Variants in KIRREL3 observed in about 807,000 individuals in gnomAD.
KIRREL3 encodes the protein kin of IRRE-like protein 3.
Under a neutral mutation model 89.7 loss-of-function variants are expected in KIRREL3, and 36 were observed. The observed-to-expected ratio is 0.40, with a 90% confidence interval of 0.31 to 0.53. The LOEUF is 0.53. Among genes scored for constraint, KIRREL3 ranks in the 20% least tolerant of loss-of-function variants. The pLI is 0.49. For synonymous variants in KIRREL3, 445 were observed against 441.4 expected (o/e 1.01, Z -0.10); for missense variants, 864 against 1,056.6 (o/e 0.82, Z 2.53).
At position 126,477,019 on chromosome 11, in the gene KIRREL3, C is replaced by T. The variant is rs1399008635; in HGVS notation, c.434-3553G>A. 2.0e-5 allele frequency among the ~76,000 whole-genome samples: 3 copies of T among 152,168 alleles called. No homozygotes were observed. The highest frequency in any genetic ancestry group is 7.2e-5 in the African/African-American group (3 of 41,442). On this transcript the variant is annotated intron_variant, in intron 4 of 16. Transcript: ENST00000525144. This position sits in a 1 kb window ranked among gnomAD's most constrained non-coding sequence, Gnocchi z 4.8. ...TTTTGGTGTTGTGCTTGTTGTCAGT[C>T]AGGAAAAAAATGGCATTAACTGTTG...
chr11:126,619,110 T>C (rs923382725), intron 1 of KIRREL3, among the ~76,000 whole-genome samples: 1 of 152,196 alleles, frequency 6.6e-6, no homozygotes, highest in African/African-American at 2.4e-5. Flanking sequence ...CTAGAGGGTG[T>C]CTGGCCATAG....
rs551324928 is a variant in KIRREL3, at chr11:126,954,507, C to T, written c.55+45948G>A. 3.7e-4 allele frequency among the ~76,000 whole-genome samples: 56 copies of T among 152,188 alleles called. No individual in the cohort carries two copies. Among genetic ancestry groups the T allele is most frequent in the Non-Finnish European group, 2.5e-4 (17 of 68,020 alleles). ...CTTGTTCCTCCTGTCTATCTCCCTC[C>T]TCCCCATCCCCTCGTCCTCCTCTAG... is the stretch of plus-strand genomic sequence containing the variant. On this transcript the variant is annotated intron_variant, in intron 1 of 16. Coordinates refer to ENST00000525144, the MANE Select transcript of KIRREL3 (RefSeq NM_032531.4). The surrounding 1 kb of genome is among the most constrained non-coding windows in gnomAD (Gnocchi z 4.1).
chr11:126,648,466 C>G (rs1458457443), intron 1 of KIRREL3, among the ~76,000 whole-genome samples: 1 of 152,170 alleles, frequency 6.6e-6, no homozygotes, highest in African/African-American at 2.4e-5. Context: ...GACTGACCAT[C>G]TTATTTAAAA....
intron 1 of KIRREL3, among the ~76,000 whole-genome samples, chr11:126,698,897 TACAG>T (rs1335675260): frequency 2.0e-5 from 3 of 152,126 alleles, no homozygotes; most frequent in African/African-American, 4.8e-5. Flanking sequence ...GTGCAGGAGG[TACAG>T]AGCTTCCCAT....
rs1202970790 is a variant in KIRREL3, at chr11:126,653,735, C to T, written c.56-90823G>A. On this transcript the variant is annotated intron_variant, in intron 1 of 16. Coordinates refer to ENST00000525144, the MANE Select transcript of KIRREL3 (RefSeq NM_032531.4). The surrounding 1 kb of genome is among the most constrained non-coding windows in gnomAD (Gnocchi z 5.4). ...AGACATGGCAAGGCTGAGGCCAAGCCCCAAAGTTCACGGACATTCCATAAA... is the reference window on the plus strand; with the variant it reads ...AGACATGGCAAGGCTGAGGCCAAGCTCCAAAGTTCACGGACATTCCATAAA... 6.6e-6 allele frequency among the ~76,000 whole-genome samples: 1 copy of T among 152,160 alleles called. No homozygotes were observed. Among genetic ancestry groups the T allele is most frequent in the East Asian group, 1.9e-4 (1 of 5,182 alleles).
rs559106814 is a variant in KIRREL3, at chr11:126,862,849, C to T, written c.55+137606G>A. ...TTTGACAGTGTAGACACTCGAGGCC[C>T]GGTCTACATTGCCAGGCATTTGAGA... On this transcript the variant is annotated intron_variant, in intron 1 of 16. Transcript: ENST00000525144. 2.0e-4 allele frequency among the ~76,000 whole-genome samples: 31 copies of T among 152,252 alleles called. 2 individuals are homozygous for T. In the South Asian group the frequency reaches 5.8e-3, roughly 29 times the overall value.
In KIRREL3 at chr11:126,427,594, G is replaced by A. The variant is rs950002953; in HGVS notation, c.1806+1585C>T. Among the ~76,000 whole-genome samples, 1 of 152,198 alleles carries A rather than the reference G, an allele frequency of 6.6e-6. No individual in the cohort carries two copies. Among genetic ancestry groups the A allele is most frequent in the African/African-American group, 2.4e-5 (1 of 41,426 alleles). ...AGGAATCAAGCTCTTTGGCATGTCT[G>A]GAAGGCCAGATGTACTTGGCCGGAA... On this transcript the variant is annotated intron_variant, in intron 15 of 16. Transcript: ENST00000525144. This position sits in a 1 kb window ranked among gnomAD's most constrained non-coding sequence, Gnocchi z 5.3.
At position 126,686,234 on chromosome 11, in the gene KIRREL3, G is replaced by A. The variant is rs1229452427; in HGVS notation, c.56-123322C>T. On this transcript the variant is annotated intron_variant, in intron 1 of 16. Coordinates refer to ENST00000525144, the MANE Select transcript of KIRREL3 (RefSeq NM_032531.4). The surrounding 1 kb of genome is among the most constrained non-coding windows in gnomAD (Gnocchi z 4.7). ...TTCTCACGTGTGGCGCGGGTGTGGAGGCAGGTCTCCATGGATTGTACGGCT... is the reference window on the plus strand; with the variant it reads ...TTCTCACGTGTGGCGCGGGTGTGGAAGCAGGTCTCCATGGATTGTACGGCT... Among the ~76,000 whole-genome samples, 1 of 152,242 alleles carries A rather than the reference G, an allele frequency of 6.6e-6. No individual in the cohort carries two copies. Among genetic ancestry groups the A allele is most frequent in the African/African-American group, 2.4e-5 (1 of 41,460 alleles).
chr11:126,930,377 G>A (rs568406624), intron 1 of KIRREL3, among the ~76,000 whole-genome samples: 2 of 152,236 alleles, frequency 1.3e-5, no homozygotes, highest in South Asian at 2.1e-4. Context: ...ACCCTTGCCT[G>A]TTGTGCCTAT....
intron 11 of KIRREL3, chr11:126,440,038 G>C (rs1023904533): frequency 1.5e-4 from 55 of 379,130 alleles, no homozygotes; most frequent in Middle Eastern, 9.4e-4. Context: ...ACAGAGACCT[G>C]GCAAGGAGGG....
At position 126,484,394 on chromosome 11, in the gene KIRREL3, C is replaced by A. The variant is rs1005892547; in HGVS notation, c.434-10928G>T. Among the ~76,000 whole-genome samples, 1 of 152,178 alleles carries A rather than the reference C, an allele frequency of 6.6e-6. No individual in the cohort carries two copies. Among genetic ancestry groups the A allele is most frequent in the Non-Finnish European group, 1.5e-5 (1 of 68,034 alleles). On this transcript the variant is annotated intron_variant, in intron 4 of 16. Coordinates refer to ENST00000525144, the MANE Select transcript of KIRREL3 (RefSeq NM_032531.4). This position sits in a 1 kb window ranked among gnomAD's most constrained non-coding sequence, Gnocchi z 5.2. Reference sequence around the variant, plus strand: ...TAGGGCTTACCACACAGCAAGAACTCTTCTGTGTACTTTACAAATATCCTT... The same window carrying A: ...TAGGGCTTACCACACAGCAAGAACTATTCTGTGTACTTTACAAATATCCTT...
At chr11:126,445,561 G>C (rs1194591355) in intron 9 of KIRREL3, among the ~76,000 whole-genome samples, 1 of 152,172 alleles carries the variant, frequency 6.6e-6, no homozygotes, top group Admixed American at 6.5e-5. Context: ...GGATCCCTTT[G>C]GGATATAGCT....
intron 1 of KIRREL3, among the ~76,000 whole-genome samples, chr11:126,866,496 G>C (rs1433069360): frequency 6.6e-6 from 1 of 152,190 alleles, no homozygotes; most frequent in Non-Finnish European, 1.5e-5. Context: ...AATAGGAGGG[G>C]GGCCGGGAAG....
At chr11:126,803,700 C>T (rs1951112337) in intron 1 of KIRREL3, among the ~76,000 whole-genome samples, 1 of 152,112 alleles carries the variant, frequency 6.6e-6, no homozygotes, top group Admixed American at 6.5e-5. Context: ...CAGGCAATTG[C>T]TGGCTGTCAC....
Position 126,721,575 on chromosome 11 carries a change from A to T in KIRREL3, c.56-158663T>A, listed in dbSNP as rs183242640. Among the ~76,000 whole-genome samples, 316 of 152,140 alleles carry T rather than the reference A, an allele frequency of 2.1e-3. 1 individual carries two copies. The highest frequency in any genetic ancestry group is 3.5e-3 in the Non-Finnish European group (235 of 67,996). ...AATCATGAGGAATAAATAAGATAAC[A>T]CATGCAAGACATCTAACACAGTGCA... is the stretch of plus-strand genomic sequence containing the variant. On this transcript the variant is annotated intron_variant, in intron 1 of 16. Transcript: ENST00000525144.
rs1483759556 is a variant in KIRREL3 at position 126,526,965 on chromosome 11, C to T, written c.134-278G>A. On this transcript the variant is annotated intron_variant, in intron 2 of 16. Transcript: ENST00000525144. This position sits in a 1 kb window ranked among gnomAD's most constrained non-coding sequence, Gnocchi z 5.7. ...CACCCCAGCTCCCTATGGGCCATCT[C>T]CCTCCACCTTTGGGACGTGCCACTT... Among the ~76,000 whole-genome samples the T allele has an allele frequency of 6.6e-6, 1 of 152,228 alleles. No homozygotes were observed. Among genetic ancestry groups the T allele is most frequent in the Non-Finnish European group, 1.5e-5 (1 of 68,054 alleles).
intron 1 of KIRREL3, among the ~76,000 whole-genome samples, chr11:126,781,460 A>G (rs1165477836): frequency 6.6e-6 from 1 of 152,202 alleles, no homozygotes; most frequent in South Asian, 2.1e-4. Context: ...TGTATTAGAG[A>G]GTGAAATCAT....
Position 126,489,497 on chromosome 11 carries a change from A to G in KIRREL3, c.434-16031T>C, listed in dbSNP as rs1957452930. Among the ~76,000 whole-genome samples, 1 of 152,154 alleles carries G rather than the reference A, an allele frequency of 6.6e-6. No homozygotes were observed. The highest frequency in any genetic ancestry group is 1.5e-5 in the Non-Finnish European group (1 of 68,028). The stretch of plus-strand genomic sequence containing the variant: ...TCAACTATGTTCCAAAAGCTTCCTG[A>G]TGGCCCTATTGTTACTCCATCTTGG... On this transcript the variant is annotated intron_variant, in intron 4 of 16. Transcript: ENST00000525144. The surrounding 1 kb of genome is among the most constrained non-coding windows in gnomAD (Gnocchi z 5.5).
intron 1 of KIRREL3, among the ~76,000 whole-genome samples, chr11:126,584,018 T>C (rs1200094358): frequency 6.6e-6 from 1 of 152,226 alleles, no homozygotes; most frequent in African/African-American, 2.4e-5. Flanking sequence ...TTCAATGATG[T>C]GAATGTGTTA....
Sources: allele counts gnomAD v4.1 joint callset (sites outside exome capture counted in the v4.1 genomes callset), GRCh38; gene constraint gnomAD v4.1.1; non-coding constraint Gnocchi (gnomAD v3.1); transcripts MANE v1.5; gene names NCBI Gene and HGNC (gene_info 2026-07-23, HGNC 2026-07-21).